The following KCNH5 variants were observed in gnomAD, a reference collection of about 807,000 sequenced individuals.
KCNH5 encodes potassium voltage-gated channel subfamily H member 5, also known as voltage-gated delayed rectifier potassium channel KCNH5.
KCNH5 carries 46 observed loss-of-function variants against 96.1 expected under a neutral mutation model. That is an observed-to-expected ratio of 0.48 (90% CI 0.38 to 0.61). The LOEUF (loss-of-function observed/expected upper bound fraction) is 0.61. KCNH5 is among the 20% of genes least tolerant of loss of function. The probability of loss-of-function intolerance (pLI) is 0.00; values close to 1 mark genes in which losing one functional copy is unlikely to be tolerated. For synonymous variants in KCNH5, 439 were observed against 449.8 expected (o/e 0.98, Z 0.30); for missense variants, 907 against 1,225.8 (o/e 0.74, Z 3.88).
At chr14:62,979,573 A>G (rs1002663210) in intron 6 of KCNH5, among the ~76,000 whole-genome samples, 3 of 152,132 alleles carry the variant, frequency 2.0e-5, no homozygotes, top group African/African-American at 7.2e-5. Context: ...ACAACAGAGT[A>G]AAGAATTTTC....
At chr14:62,871,318 A>T (rs180761415) in intron 7 of KCNH5, among the ~76,000 whole-genome samples, 1 of 152,268 alleles carries the variant, frequency 6.6e-6, no homozygotes, top group Admixed American at 6.5e-5. Context: ...AACTCACTGG[A>T]GGGGCACCAA....
intron 7 of KCNH5, among the ~76,000 whole-genome samples, chr14:62,943,081 GA>G (rs1566716408): frequency 6.6e-6 from 1 of 152,038 alleles, no homozygotes; most frequent in Non-Finnish European, 1.5e-5. Flanking sequence ...TATGGAGAGA[GA>G]AAAAAATTAT....
chr14:62,886,037 G>A (rs1888588808), intron 7 of KCNH5, among the ~76,000 whole-genome samples: 1 of 151,922 alleles, frequency 6.6e-6, no homozygotes, highest in African/African-American at 2.4e-5. Context: ...ACACCTGTCT[G>A]TTTGCAAATA....
At chr14:62,756,439 G>GA (rs1384067596) in intron 10 of KCNH5, among the ~76,000 whole-genome samples, 17 of 151,050 alleles carry the variant, frequency 1.1e-4, no homozygotes, top group Middle Eastern at 3.4e-3. Context: ...CAAAGAAATA[G>GA]AAAAAAAAAT....
rs1890845149 is a variant in KCNH5 at position 62,993,210 on chromosome 14, T to A, written c.434-6023A>T. 4.6e-5 allele frequency among the ~76,000 whole-genome samples: 7 copies of A among 152,098 alleles called. No individual in the cohort carries two copies. In the South Asian group the frequency reaches 1.4e-3, roughly 31 times the overall value. Reference sequence around the variant, plus strand: ...TATACCAGTACTGTGCTGTTTGGGTTAACATAGCTTTGTAATATAACTTGA... The same window carrying A: ...TATACCAGTACTGTGCTGTTTGGGTAAACATAGCTTTGTAATATAACTTGA... On this transcript the variant is annotated intron_variant, in intron 4 of 10. Coordinates refer to ENST00000322893, the MANE Select transcript of KCNH5 (RefSeq NM_139318.5).
chr14:62,792,227 A>C (rs1886450277), intron 9 of KCNH5, among the ~76,000 whole-genome samples: 1 of 151,622 alleles, frequency 6.6e-6, no homozygotes, highest in Non-Finnish European at 1.5e-5. Flanking sequence ...CAAAGTCATT[A>C]TGTTAAAAAT....
intron 7 of KCNH5, among the ~76,000 whole-genome samples, chr14:62,892,862 C>A (rs1052025228): frequency 5.3e-5 from 8 of 152,190 alleles, no homozygotes; most frequent in South Asian, 2.1e-4. Flanking sequence ...TGTACCCCCC[C>A]AAAAATTTTT....
rs560538981 is a variant in KCNH5 at position 63,031,156 on chromosome 14, A to G, written c.73+13958T>C. 7.2e-5 allele frequency among the ~76,000 whole-genome samples: 11 copies of G among 152,194 alleles called. No individual in the cohort carries two copies. The South Asian group carries it at 2.3e-3, about 32-fold the overall frequency. ...GAAAAGAGTATCTAGTAGGGGAAAA[A>G]GACAGGACCAGGCCTCCCTGTCTAA... On this transcript the variant is annotated intron_variant, in intron 1 of 10. Transcript: ENST00000322893.
intron 7 of KCNH5, among the ~76,000 whole-genome samples, chr14:62,933,727 C>T (rs1889624275): frequency 2.0e-5 from 3 of 152,174 alleles, no homozygotes; most frequent in East Asian, 1.9e-4. Context: ...CAAAATAAAC[C>T]TTATAGCGCT....
chr14:62,817,606 T>C (rs958922227), intron 8 of KCNH5, among the ~76,000 whole-genome samples: 64 of 150,416 alleles, frequency 4.3e-4, no homozygotes, highest in Non-Finnish European at 6.9e-4. Context: ...ATATCTACTA[T>C]ATGTCGATTA....
intron 10 of KCNH5, among the ~76,000 whole-genome samples, chr14:62,740,276 T>A (rs934168681): frequency 1.3e-5 from 2 of 152,194 alleles, no homozygotes; most frequent in African/African-American, 4.8e-5. Flanking sequence ...ACTCTTCTTG[T>A]CATTATATGT....
Position 63,045,375 on chromosome 14 carries a change from G to A in KCNH5, c.-189C>T. On this transcript the variant is annotated 5_prime_UTR_variant, in exon 1 of 11. Coordinates refer to ENST00000322893, the MANE Select transcript of KCNH5 (RefSeq NM_139318.5). ...CCGGATGAGCAGCTCTGGGGAGGAG[G>A]ACCAGGCAGTTCATGGTAGTAGCGC... is the stretch of plus-strand genomic sequence containing the variant. 1.6e-6 allele frequency: 1 copy of A among 615,160 alleles called. No individual in the cohort carries two copies. Among genetic ancestry groups the A allele is most frequent in the Non-Finnish European group, 2.9e-6 (1 of 342,222 alleles). The allele number at this position is 615,160 out of a possible 1,614,324, so 38.1% of individuals were successfully genotyped here. A position where few individuals can be genotyped will look rare whatever the true frequency, so the allele number is the denominator to read the frequency against.
chr14:62,907,346 C>T (rs1043739639), intron 7 of KCNH5, among the ~76,000 whole-genome samples: 2 of 152,156 alleles, frequency 1.3e-5, no homozygotes, highest in Non-Finnish European at 2.9e-5. Flanking sequence ...CATTACTCTC[C>T]CTTGTTTATG....
intron 7 of KCNH5, among the ~76,000 whole-genome samples, chr14:62,874,961 T>C (rs1473102959): frequency 2.1e-5 from 3 of 142,232 alleles, no homozygotes; most frequent in Non-Finnish European, 4.6e-5. Context: ...CAGCCCAAAA[T>C]CTCCTTAAGC....
rs545790993 is a variant in KCNH5, at chr14:63,037,255, G to A, written c.73+7859C>T. 8.7e-4 allele frequency among the ~76,000 whole-genome samples: 132 copies of A among 152,206 alleles called. 2 individuals are homozygous for A. In the South Asian group the frequency reaches 0.026, roughly 30 times the overall value. Reference sequence around the variant, plus strand: ...GTAAGTTAAGTCACCGAGCTAGTAAGTGTCAGAGCCAGGACTCTAATACAG... The same window carrying A: ...GTAAGTTAAGTCACCGAGCTAGTAAATGTCAGAGCCAGGACTCTAATACAG... On this transcript the variant is annotated intron_variant, in intron 1 of 10. Transcript: ENST00000322893.
intron 7 of KCNH5, among the ~76,000 whole-genome samples, chr14:62,944,429 C>T (rs997586616): frequency 7.2e-5 from 11 of 152,020 alleles, no homozygotes; most frequent in African/African-American, 2.7e-4. Flanking sequence ...AGAACCCTGG[C>T]ACAAGTGAAA....
At chr14:62,793,698 C>A in intron 9 of KCNH5, among the ~76,000 whole-genome samples, 1 of 151,052 alleles carries the variant, frequency 6.6e-6, no homozygotes. Flanking sequence ...GTTTTTTGAA[C>A]TTTTGTTCAA....
At chr14:62,753,678 G>C (rs910607260) in intron 10 of KCNH5, among the ~76,000 whole-genome samples, 8 of 152,122 alleles carry the variant, frequency 5.3e-5, no homozygotes, top group African/African-American at 1.4e-4. Flanking sequence ...GGCCAGGAGA[G>C]AGTGGCATAA....
At chr14:62,834,778 GA>G (rs1371083173) in intron 8 of KCNH5, among the ~76,000 whole-genome samples, 2 of 151,872 alleles carry the variant, frequency 1.3e-5, no homozygotes, top group Non-Finnish European at 2.9e-5. Context: ...TGGTATGTGA[GA>G]AAAAATGGAA....
Sources: allele counts gnomAD v4.1 joint callset (sites outside exome capture counted in the v4.1 genomes callset), GRCh38; gene constraint gnomAD v4.1.1; transcripts MANE v1.5; gene names NCBI Gene and HGNC (gene_info 2026-07-23, HGNC 2026-07-21).